Variants in TNRC6B observed in about 807,000 individuals in gnomAD.
TNRC6B encodes trinucleotide repeat-containing gene 6B protein.
A neutral mutation model predicts 203.6 loss-of-function variants in TNRC6B; 52 were observed. That is an observed-to-expected ratio of 0.26 (90% CI 0.20 to 0.32). The LOEUF (loss-of-function observed/expected upper bound fraction) is 0.32. TNRC6B is among the 10% of genes least tolerant of loss of function. TNRC6B has a pLI of 1.00. For synonymous variants in TNRC6B, 838 were observed against 845.7 expected (o/e 0.99, Z 0.16); for missense variants, 1,923 against 2,286.2 (o/e 0.84, Z 3.24).
intron 1 of TNRC6B, among the ~76,000 whole-genome samples, chr22:40,076,431 G>A (rs1426670154): frequency 6.6e-6 from 1 of 152,104 alleles, no homozygotes; most frequent in Non-Finnish European, 1.5e-5. Flanking sequence ...CTCAGCTTTT[G>A]TTCTTGAAAA....
At position 40,332,629 on chromosome 22, in the gene TNRC6B, T is replaced by G. The variant is rs2043995159; in HGVS notation, c.*9388T>G. The G allele has an allele frequency of 6.6e-6, 1 of 152,450 alleles. No homozygotes were observed. The highest frequency in any genetic ancestry group is 1.5e-5 in the Non-Finnish European group (1 of 67,996). The allele number at this position is 152,450 out of a possible 1,614,324, so 9.4% of individuals were successfully genotyped here. ...CCTGTGCAGGGCTGCACAGGCATGA[T>G]CTTATCAGGGTTCCAATCTGTTAGA... On this transcript the variant is annotated 3_prime_UTR_variant, in exon 23 of 23. Coordinates refer to ENST00000454349, the MANE Select transcript of TNRC6B (RefSeq NM_001162501.2).
chr22:40,331,639 T>G lies in TNRC6B; in HGVS notation c.*8398T>G, dbSNP rs532578095. Reference sequence around the variant, plus strand: ...TTTGATACTGAATTTAAGAAGAGGTTGTTGGATTTTTTTTTTTTTTTTTTT... The same window carrying G: ...TTTGATACTGAATTTAAGAAGAGGTGGTTGGATTTTTTTTTTTTTTTTTTT... On this transcript the variant is annotated 3_prime_UTR_variant, in exon 23 of 23. Coordinates refer to ENST00000454349, the MANE Select transcript of TNRC6B (RefSeq NM_001162501.2). The G allele has an allele frequency of 1.7e-3, 633 of 366,674 alleles. 5 individuals are homozygous for G. The highest frequency in any genetic ancestry group is 5.9e-3 in the Admixed American group (119 of 20,118). The allele number at this position is 366,674 out of a possible 1,614,324, so 22.7% of individuals were successfully genotyped here. A position where few individuals can be genotyped will look rare whatever the true frequency, so the allele number is the denominator to read the frequency against.
At chr22:40,139,290 A>G (rs1010001627) in intron 3 of TNRC6B, among the ~76,000 whole-genome samples, 5 of 151,488 alleles carry the variant, frequency 3.3e-5, no homozygotes, top group South Asian at 4.2e-4. Flanking sequence ...AGTCCTTTGA[A>G]TGGCTGAATA....
chr22:40,264,649 C>A (rs1454860634), intron 4 of TNRC6B, 39 bp from the exon 5 acceptor site: 2 of 1,536,300 alleles, frequency 1.3e-6, no homozygotes, highest in East Asian at 4.5e-5. Context: ...GTAATGAATG[C>A]ATTTGAAGCT....
chr22:40,311,205 G>C (rs373178972), intron 17 of TNRC6B, among the ~76,000 whole-genome samples: 4 of 152,266 alleles, frequency 2.6e-5, no homozygotes, highest in East Asian at 1.9e-4. Context: ...GACATTGTAG[G>C]TGGGACTTTG....
Position 40,266,982 on chromosome 22 carries a change from C to A in TNRC6B, c.2752C>A (p.Pro918Thr). The A allele has an allele frequency of 6.2e-7, 1 of 1,612,074 alleles. No homozygotes were observed. ...GTGGGATAAGAATTCCCAAGGGGGC[C>A]CAGCACCTCGAGAACCAAACCTGCC... Reference protein sequence around the residue: ...NLWDKNSQGGPAPREPNLPTP... With the variant: ...NLWDKNSQGGTAPREPNLPTP... The change falls in exon 5 of 23, where the codon CCA (proline) becomes ACA (threonine). Residue 918 changes from proline to threonine, a missense_variant. By Grantham distance (38) the Pro-to-Thr change is conservative (BLOSUM62 -1). Coordinates refer to ENST00000454349, the MANE Select transcript of TNRC6B (RefSeq NM_001162501.2).
chr22:40,308,317 G>A (rs1051001484), intron 15 of TNRC6B, among the ~76,000 whole-genome samples, 195 bp from the exon 16 acceptor site: 1 of 152,178 alleles, frequency 6.6e-6, no homozygotes, highest in African/African-American at 2.4e-5. Flanking sequence ...ACATCTTCAC[G>A]CCTTCACAGA....
At chr22:40,132,956 A>AT (rs1568992984) in intron 3 of TNRC6B, among the ~76,000 whole-genome samples, 20 of 74,934 alleles carry the variant, frequency 2.7e-4, no homozygotes, top group African/African-American at 5.1e-4. Context: ...AAAAAAAAAA[A>AT]AAAAAAAAAA....
intron 3 of TNRC6B, among the ~76,000 whole-genome samples, chr22:40,150,950 C>T (rs1372767756): frequency 6.6e-6 from 1 of 152,164 alleles, no homozygotes; most frequent in African/African-American, 2.4e-5. Flanking sequence ...TCCCCTCCTA[C>T]ACACACATAC....
chr22:40,237,522 C>T (rs1427198042), intron 1 of TNRC6B, among the ~76,000 whole-genome samples: 2 of 152,166 alleles, frequency 1.3e-5, no homozygotes, highest in Non-Finnish European at 1.5e-5. Context: ...CCCAGTTCTT[C>T]TGGTGTAGAT....
chr22:40,262,387 A>G (rs1012811455), intron 4 of TNRC6B, among the ~76,000 whole-genome samples: 4 of 152,180 alleles, frequency 2.6e-5, no homozygotes, highest in Admixed American at 2.0e-4. Context: ...CATAAGGGCT[A>G]ACTTAACTGC....
At chr22:40,179,104 A>C (rs978510911) in intron 1 of TNRC6B, among the ~76,000 whole-genome samples, 2 of 152,296 alleles carry the variant, frequency 1.3e-5, no homozygotes, top group Non-Finnish European at 2.9e-5. Context: ...GGTCACATGT[A>C]TAAGTAGCAG....
intron 15 of TNRC6B, 100 bp downstream of exon 15, chr22:40,301,433 T>A: frequency 8.6e-7 from 1 of 1,159,014 alleles, no homozygotes; most frequent in Non-Finnish European, 1.2e-6. Context: ...ATGTCAGCTG[T>A]ACAAGGTAGG....
At chr22:40,246,433 C>A (rs377158306) in intron 2 of TNRC6B, 31 of 171,144 alleles carry the variant, frequency 1.8e-4, no homozygotes, top group South Asian at 1.3e-3. Flanking sequence ...CGTGATCCCC[C>A]ACCTTGGCCC....
chr22:40,218,598 G>A (rs1370718493), intron 1 of TNRC6B, among the ~76,000 whole-genome samples: 2 of 152,106 alleles, frequency 1.3e-5, no homozygotes, highest in Admixed American at 6.6e-5. Context: ...AAAGTGCTGG[G>A]ACTACAGATA....
At chr22:40,059,885 C>T (rs1258115103) in intron 1 of TNRC6B, among the ~76,000 whole-genome samples, 1 of 145,944 alleles carries the variant, frequency 6.9e-6, no homozygotes, top group Admixed American at 7.1e-5. Flanking sequence ...TGCACTGGTG[C>T]AGTCTCGGCT....
intron 3 of TNRC6B, among the ~76,000 whole-genome samples, chr22:40,130,533 G>A (rs1444046104): frequency 6.6e-6 from 1 of 151,760 alleles, no homozygotes; most frequent in Non-Finnish European, 1.5e-5. Context: ...TGTAATCCCA[G>A]CACTTTGGGA....
chr22:40,150,958 T>C (rs561182846), intron 3 of TNRC6B, among the ~76,000 whole-genome samples: 15 of 152,156 alleles, frequency 9.9e-5, no homozygotes, highest in Admixed American at 9.2e-4. Flanking sequence ...TACACACACA[T>C]ACACCCAAAA....
chr22:40,273,350 A>T (rs1489266197), intron 6 of TNRC6B, 75 bp from the exon 7 acceptor site: 5 of 1,341,598 alleles, frequency 3.7e-6, no homozygotes, highest in Non-Finnish European at 4.0e-6. Context: ...TAAATGCTGC[A>T]TCTGCAAGGA....
Sources: gnomAD v4.1 joint callset for allele counts (sites outside exome capture counted in the v4.1 genomes callset) on GRCh38, gnomAD v4.1.1 for gene constraint, MANE v1.5 for transcripts, NCBI Gene and HGNC (gene_info 2026-07-23, HGNC 2026-07-21) for gene names.